MPP4: variants seen among roughly 807,000 people sequenced by gnomAD.
The protein encoded by MPP4 is MAGUK p55 subfamily member 4.
MPP4 carries 91 observed loss-of-function variants against 98.3 expected under a neutral mutation model. That is an observed-to-expected ratio of 0.93 (90% confidence interval 0.78 to 1.10). MPP4 has a LOEUF of 1.10. Among genes scored for constraint, MPP4 ranks in the 50% least tolerant of loss-of-function variants. The probability of loss-of-function intolerance (pLI) is 0.00; values close to 1 mark genes in which losing one functional copy is unlikely to be tolerated. For synonymous variants in MPP4, 261 were observed against 271.8 expected (o/e 0.96, Z 0.39); for missense variants, 744 against 792.9 (o/e 0.94, Z 0.74).
At chr2:201,671,034 T>C (rs1438343099) in intron 11 of MPP4, among the ~76,000 whole-genome samples, 6 of 152,324 alleles carry the variant, frequency 3.9e-5, no homozygotes, top group Admixed American at 3.9e-4. Flanking sequence ...AGCCCAGATA[T>C]TACCCTTTTC....
intron 5 of MPP4, 76 bp from the exon 6 acceptor site, chr2:201,686,126 T>A: frequency 6.6e-7 from 1 of 1,515,002 alleles, no homozygotes; most frequent in Non-Finnish European, 8.9e-7. Context: ...AACTCAATAC[T>A]ATCTAAGACA....
intron 1 of MPP4, 38 bp from the exon 2 acceptor site, chr2:201,694,092 A>G (rs1336689233): frequency 6.4e-6 from 10 of 1,569,804 alleles, no homozygotes; most frequent in South Asian, 1.2e-5. Flanking sequence ...TCAGCAAGCC[A>G]GGCCCTGTGC....
intron 18 of MPP4, 149 bp from the exon 19 acceptor site, chr2:201,650,314 T>C (rs1687680992): frequency 9.2e-6 from 13 of 1,410,534 alleles, no homozygotes; most frequent in Non-Finnish European, 1.2e-5. Context: ...GAAGCCTGAA[T>C]TGGTGATAAG....
At chr2:201,671,191 T>C (rs557388492) in intron 11 of MPP4, among the ~76,000 whole-genome samples, 5 of 152,088 alleles carry the variant, frequency 3.3e-5, no homozygotes, top group Non-Finnish European at 5.9e-5. Flanking sequence ...CATACCCCAG[T>C]GGCGCCTGGA....
At chr2:201,649,268 T>A (rs1232769066) in intron 20 of MPP4, among the ~76,000 whole-genome samples, 1 of 152,136 alleles carries the variant, frequency 6.6e-6, no homozygotes, top group African/African-American at 2.4e-5. Context: ...CAAAGCAACA[T>A]CTTATTCACT....
In MPP4 at chr2:201,687,370, A is replaced by G; in HGVS notation, c.281T>C (p.Val94Ala). Residue 94 changes from valine (V) to alanine (A), a missense_variant and splice_region_variant, in exon 5 of 22, where the codon GTA (valine) becomes GCA (alanine). Coordinates refer to ENST00000409474, the MANE Select transcript of MPP4 (RefSeq NM_033066.3). ...AGGGGTTTCACGTAATAACTCCACTACCTGGTTCATGGAAAAGGATACATT... is the reference window on the plus strand; with the variant it reads ...AGGGGTTTCACGTAATAACTCCACTGCCTGGTTCATGGAAAAGGATACATT... ...TPHAQVLSYE[V>A]VELLRETPTS... 2 of 1,572,148 alleles carry G rather than the reference A, an allele frequency of 1.3e-6. No homozygotes were observed. The highest frequency in any genetic ancestry group is 1.7e-6 in the Non-Finnish European group (2 of 1,156,890).
chr2:201,664,185 G>T, intron 13 of MPP4, 84 bp from the exon 14 acceptor site: 2 of 1,503,188 alleles, frequency 1.3e-6, no homozygotes, highest in Non-Finnish European at 1.8e-6. Context: ...CTAATTCTCT[G>T]GCCCCTACTT....
chr2:201,694,426 T>C (rs1364124041), intron 1 of MPP4, among the ~76,000 whole-genome samples: 2 of 152,128 alleles, frequency 1.3e-5, no homozygotes, highest in African/African-American at 2.4e-5. Context: ...TTGCACCTTA[T>C]AGTTCTTCAT....
chr2:201,690,609 T>A (rs1688986525), intron 3 of MPP4, among the ~76,000 whole-genome samples: 1 of 152,172 alleles, frequency 6.6e-6, no homozygotes, highest in Non-Finnish European at 1.5e-5. Flanking sequence ...AATGGGGATT[T>A]GTAGATGATG....
In MPP4 at chr2:201,674,772, GAT is replaced by G. The variant is rs764159914; in HGVS notation, c.994+433_994+434del. On this transcript the variant is annotated intron_variant, in intron 11 of 21. Coordinates refer to ENST00000409474, the MANE Select transcript of MPP4 (RefSeq NM_033066.3). Reference sequence around the variant, plus strand: ...TCTGCTAAGGTGTAGACTGTCATAAGATATGCAATTTCCCCAATAATTCCTGC... The same window carrying G: ...TCTGCTAAGGTGTAGACTGTCATAAGATGCAATTTCCCCAATAATTCCTGC... Among the ~76,000 whole-genome samples, 309 of 152,290 alleles carry G rather than the reference GAT, an allele frequency of 2.0e-3. 3 individuals carry two copies. Among genetic ancestry groups the G allele is most frequent in the Non-Finnish European group, 3.7e-3 (255 of 68,026 alleles).
chr2:201,692,412 T>C (rs1689057784), intron 3 of MPP4, among the ~76,000 whole-genome samples: 1 of 151,608 alleles, frequency 6.6e-6, no homozygotes, highest in South Asian at 2.1e-4. Context: ...AGTGTGGTGG[T>C]GGGTGCCTGT....
In MPP4 at chr2:201,651,759, G is replaced by A. The variant is rs568757561; in HGVS notation, c.1382-1594C>T. ...ACCTGGGGTCAGGAGTACAAGACCA[G>A]CCTAGCCAACATGGTGAAACCCCAT... On this transcript the variant is annotated intron_variant, in intron 18 of 21. Coordinates refer to ENST00000409474, the MANE Select transcript of MPP4 (RefSeq NM_033066.3). 9.1e-6 allele frequency: 5 copies of A among 548,910 alleles called. No homozygotes were observed. The East Asian group carries it at 7.3e-4, about 80-fold the overall frequency. 34.0% of individuals were successfully genotyped at this position (548,910 alleles called of 1,614,324 possible).
chr2:201,690,580 G>A (rs1443075462), intron 3 of MPP4, among the ~76,000 whole-genome samples: 4 of 152,106 alleles, frequency 2.6e-5, no homozygotes, highest in Non-Finnish European at 5.9e-5. Flanking sequence ...GTGAGGGTAG[G>A]GTGTCTGGGA....
At chr2:201,649,281 A>T (rs1046688469) in intron 20 of MPP4, among the ~76,000 whole-genome samples, 2 of 152,166 alleles carry the variant, frequency 1.3e-5, no homozygotes, top group East Asian at 1.9e-4. Context: ...TATTCACTCC[A>T]CAAGAAGTTA....
chr2:201,697,919 G>A, intron 1 of MPP4: 1 of 985,186 alleles, frequency 1.0e-6, no homozygotes, highest in Non-Finnish European at 1.2e-6. Context: ...ATGATGCCTG[G>A]CAAAAGACTT....
At chr2:201,650,480 A>T (rs1687684490) in intron 18 of MPP4, 1 of 985,320 alleles carries the variant, frequency 1.0e-6, no homozygotes, top group Admixed American at 6.1e-5. Flanking sequence ...GAACCTTTAG[A>T]TGCCTGAAAG....
chr2:201,697,298 A>C (rs1205641048), intron 1 of MPP4, among the ~76,000 whole-genome samples: 1 of 152,148 alleles, frequency 6.6e-6, no homozygotes, highest in Non-Finnish European at 1.5e-5. Flanking sequence ...CTAAGACAAA[A>C]CTCATAGAAA....
chr2:201,662,578 T>C (rs1688058951), intron 14 of MPP4, among the ~76,000 whole-genome samples: 2 of 150,094 alleles, frequency 1.3e-5, no homozygotes, highest in African/African-American at 4.9e-5. Context: ...CCTAAGAAAC[T>C]ACTAGATGCT....
Position 201,647,528 on chromosome 2 carries a change from T to A in MPP4, c.1719+163A>T, listed in dbSNP as rs180769076. Among the ~76,000 whole-genome samples, 294 of 152,228 alleles carry A rather than the reference T, an allele frequency of 1.9e-3. 2 individuals are homozygous for A. Among genetic ancestry groups the A allele is most frequent in the African/African-American group, 6.2e-3 (257 of 41,528 alleles). ...AACAATACAGTTTTAATTTTTTTTT[T>A]AAATAAAACCATAGTAAACCATTTT... On this transcript the variant is annotated intron_variant, in intron 21 of 21. Coordinates refer to ENST00000409474, the MANE Select transcript of MPP4 (RefSeq NM_033066.3).
Sources: allele counts gnomAD v4.1 joint callset (sites outside exome capture counted in the v4.1 genomes callset), GRCh38; gene constraint gnomAD v4.1.1; transcripts MANE v1.5; gene names NCBI Gene and HGNC (gene_info 2026-07-23, HGNC 2026-07-21).